The following MACROD1 variants were observed in gnomAD, a reference collection of about 807,000 sequenced individuals.
The protein encoded by MACROD1 is mono-ADP ribosylhydrolase 1, also known as ADP-ribose glycohydrolase MACROD1.
In MACROD1, 31 loss-of-function variants were observed where a neutral mutation model predicts 41.4. The observed-to-expected ratio is 0.75, with a 90% confidence interval of 0.56 to 1.01. The LOEUF (loss-of-function observed/expected upper bound fraction) is 1.01, where lower values mean the gene tolerates loss of function less well. Among genes scored for constraint, MACROD1 ranks in the 50% least tolerant of loss-of-function variants. The pLI, the probability that MACROD1 is intolerant of heterozygous loss-of-function variation, is 0.00. For missense variants in MACROD1, 473 were observed against 460.0 expected (o/e 1.03, Z -0.26); for synonymous variants, 252 against 203.4 (o/e 1.24, Z -2.03).
At chr11:64,154,886 A>G (rs914509414) in intron 1 of MACROD1, among the ~76,000 whole-genome samples, 3 of 151,946 alleles carry the variant, frequency 2.0e-5, no homozygotes, top group Non-Finnish European at 4.4e-5. Flanking sequence ...CACCCAACTA[A>G]TTTTTGTATT....
intron 3 of MACROD1, among the ~76,000 whole-genome samples, chr11:64,041,238 G>A (rs1393925790): frequency 7.4e-6 from 1 of 134,376 alleles, no homozygotes; most frequent in Non-Finnish European, 1.5e-5. Context: ...AAGCATGAGC[G>A]AGAGAGGAAG....
At position 64,080,708 on chromosome 11, in the gene MACROD1, C is replaced by T. The variant is rs563533435; in HGVS notation, c.518-65427G>A. On this transcript the variant is annotated intron_variant, in intron 3 of 10. Coordinates refer to ENST00000255681, the MANE Select transcript of MACROD1 (RefSeq NM_014067.4). ...ACTGAGGACCTCTCAGACCCAGGAC[C>T]GGGGAAGGAGGACGTGCAGAGGGGA... Among the ~76,000 whole-genome samples the T allele has an allele frequency of 4.6e-5, 7 of 152,288 alleles. No individual in the cohort carries two copies. In the South Asian group the frequency reaches 1.2e-3, roughly 27 times the overall value.
rs1274411785 is a variant in MACROD1 at position 64,012,492 on chromosome 11, T to C, written c.547+2760A>G. Among the ~76,000 whole-genome samples, 4 of 151,788 alleles carry C rather than the reference T, an allele frequency of 2.6e-5. No individual in the cohort carries two copies. The East Asian group carries it at 7.8e-4, about 30-fold the overall frequency. ...CTTGGCTCACTGCAGCCCCTGCCTA[T>C]GGGGTTCAAGCAATTCTCCTGCCTC... On this transcript the variant is annotated intron_variant, in intron 4 of 10. Coordinates refer to ENST00000255681, the MANE Select transcript of MACROD1 (RefSeq NM_014067.4).
At chr11:64,034,628 AG>A (rs1943340303) in intron 3 of MACROD1, among the ~76,000 whole-genome samples, 1 of 151,668 alleles carries the variant, frequency 6.6e-6, no homozygotes, top group Non-Finnish European at 1.5e-5. Flanking sequence ...CAGGGAAAGG[AG>A]GGGGAGAGGT....
At chr11:64,158,498 C>T (rs1368257274) in intron 1 of MACROD1, among the ~76,000 whole-genome samples, 1 of 152,162 alleles carries the variant, frequency 6.6e-6, no homozygotes, top group Non-Finnish European at 1.5e-5. Flanking sequence ...CCCACCTTGG[C>T]CCCTAAAGTG....
chr11:64,149,098 G>T, intron 3 of MACROD1: 1 of 861,454 alleles, frequency 1.2e-6, no homozygotes. Context: ...GGCAAGCAGG[G>T]GGAGGTGAAA....
chr11:64,002,593 C>T (rs545718865), intron 4 of MACROD1, among the ~76,000 whole-genome samples: 27 of 152,286 alleles, frequency 1.8e-4, no homozygotes, highest in African/African-American at 6.3e-4. Flanking sequence ...AGCCTGGCCC[C>T]TCTTGCCTGC....
In MACROD1 at chr11:64,118,599, T is replaced by C. The variant is rs1446655323; in HGVS notation, c.517+32640A>G. 1.7e-5 allele frequency: 5 copies of C among 299,898 alleles called. 1 individual carries two copies. The highest frequency in any genetic ancestry group is 2.6e-5 in the Non-Finnish European group (4 of 151,276). The allele number at this position is 299,898 out of a possible 1,614,324, so 18.6% of individuals were successfully genotyped here. A position where few individuals can be genotyped will look rare whatever the true frequency, so the allele number is the denominator to read the frequency against. On this transcript the variant is annotated intron_variant, in intron 3 of 10. Transcript: ENST00000255681. The stretch of plus-strand genomic sequence containing the variant: ...TGCAGGCAGGGCTGGGTTGGGTTTT[T>C]TTTTTTTCCCCCCTGAACTGGAAGG...
chr11:64,071,572 C>T (rs1944108481), intron 3 of MACROD1, among the ~76,000 whole-genome samples: 1 of 152,148 alleles, frequency 6.6e-6, no homozygotes, highest in Non-Finnish European at 1.5e-5. Flanking sequence ...AACCTTGCCC[C>T]TTAGTTTCCT....
chr11:64,151,387 C>G, intron 2 of MACROD1, 32 bp from the exon 3 acceptor site: 1 of 1,552,290 alleles, frequency 6.4e-7, no homozygotes, highest in Non-Finnish European at 8.9e-7. Flanking sequence ...GAGGTCACAG[C>G]GAGGCTGCCC....
chr11:64,088,910 G>A (rs1466611887), intron 3 of MACROD1, among the ~76,000 whole-genome samples: 3 of 152,136 alleles, frequency 2.0e-5, no homozygotes, highest in Non-Finnish European at 4.4e-5. Flanking sequence ...AAAGTCATGG[G>A]CGGGGTTAGG....
At chr11:64,048,633 A>G (rs560803726) in intron 3 of MACROD1, among the ~76,000 whole-genome samples, 4 of 152,334 alleles carry the variant, frequency 2.6e-5, no homozygotes, top group Non-Finnish European at 5.9e-5. Flanking sequence ...CCTGCCGCTA[A>G]GCACTTTATG....
At position 64,146,468 on chromosome 11, in the gene MACROD1, A is replaced by G. The variant is rs1257653724; in HGVS notation, c.517+4771T>C. 6.6e-6 allele frequency among the ~76,000 whole-genome samples: 1 copy of G among 152,124 alleles called. No homozygotes were observed. The highest frequency in any genetic ancestry group is 2.4e-5 in the African/African-American group (1 of 41,422). On this transcript the variant is annotated intron_variant, in intron 3 of 10. Coordinates refer to ENST00000255681, the MANE Select transcript of MACROD1 (RefSeq NM_014067.4). This position sits in a 1 kb window ranked among gnomAD's most constrained non-coding sequence, Gnocchi z 4.7. ...TGGGCAGGAGCCGTGGCCGACACAG[A>G]TGGCAGGAACCTGAGACTCTCCCGG...
intron 3 of MACROD1, chr11:64,118,917 T>C (rs1298010836): frequency 1.2e-5 from 2 of 166,488 alleles, no homozygotes; most frequent in African/African-American, 4.8e-5. Context: ...TGAACAATCA[T>C]GTAGTCGATT....
At chr11:64,031,877 T>C (rs1245729468) in intron 3 of MACROD1, among the ~76,000 whole-genome samples, 1 of 152,182 alleles carries the variant, frequency 6.6e-6, no homozygotes, top group African/African-American at 2.4e-5. Context: ...CGCGTGAACA[T>C]CCCGTAGTAT....
At chr11:64,136,046 C>T (rs532529249) in intron 3 of MACROD1, among the ~76,000 whole-genome samples, 34 of 152,336 alleles carry the variant, frequency 2.2e-4, no homozygotes, top group African/African-American at 6.5e-4. Context: ...CTCCCCGCCA[C>T]GCTCGGCTGA....
chr11:64,117,423 G>C (rs752962938), intron 3 of MACROD1: 1 of 1,612,580 alleles, frequency 6.2e-7, no homozygotes, highest in Non-Finnish European at 8.5e-7. Context: ...GCCGCAGGGC[G>C]GCGTGGCCAA....
At chr11:64,047,049 C>T (rs765567807) in intron 3 of MACROD1, among the ~76,000 whole-genome samples, 18 of 152,170 alleles carry the variant, frequency 1.2e-4, no homozygotes, top group East Asian at 1.2e-3. Context: ...GTGCCCCCCC[C>T]GGCTAGCATG....
At chr11:64,136,979 C>G (rs1474911591) in intron 3 of MACROD1, among the ~76,000 whole-genome samples, 1 of 152,230 alleles carries the variant, frequency 6.6e-6, no homozygotes, top group Non-Finnish European at 1.5e-5. Flanking sequence ...AGAGCTCTCT[C>G]TGGTGCTGAA....
Sources: allele counts gnomAD v4.1 joint callset (sites outside exome capture counted in the v4.1 genomes callset), GRCh38; gene constraint gnomAD v4.1.1; non-coding constraint Gnocchi (gnomAD v3.1); transcripts MANE v1.5; gene names NCBI Gene and HGNC (gene_info 2026-07-23, HGNC 2026-07-21).